The following ELAC2 variants were observed in gnomAD, a reference collection of about 807,000 sequenced individuals.
ELAC2 encodes zinc phosphodiesterase ELAC protein 2.
A neutral mutation model predicts 105.2 loss-of-function variants in ELAC2; 92 were observed. The observed-to-expected ratio is 0.87, with a 90% CI of 0.74 to 1.04. ELAC2 has a LOEUF of 1.04. Ranked by LOEUF, ELAC2 falls within the 50% of genes least tolerant of loss-of-function variation. The pLI is 0.00. For missense variants in ELAC2, 1,099 were observed against 1,071.7 expected (o/e 1.03, Z -0.36); for synonymous variants, 468 against 409.1 (o/e 1.14, Z -1.74).
intron 16 of ELAC2, among the ~76,000 whole-genome samples, chr17:12,997,650 T>G (rs2040545536): frequency 6.6e-6 from 1 of 152,190 alleles, no homozygotes; most frequent in African/African-American, 2.4e-5. Context: ...GATTGTATAT[T>G]TCTGATGTCA....
chr17:13,005,729 A>AATC lies in ELAC2; in HGVS notation c.870+21_870+23dup, dbSNP rs3217019. ...TTTCAGACCCTACCTGTAACTGCTG[A>AATC]ATCAAGAAAACCAGGCATCTCACCT... is the stretch of plus-strand genomic sequence containing the variant. On this transcript the variant is annotated intron_variant, in intron 10 of 23. Transcript: ENST00000338034. The AATC allele has an allele frequency of 0.29, 460,051 of 1,612,626 alleles. 68,292 individuals carry two copies. The highest frequency in any genetic ancestry group is 0.33 in the Middle Eastern group (1,970 of 5,976).
chr17:13,007,686 T>G (rs1012153211), intron 8 of ELAC2, among the ~76,000 whole-genome samples: 6 of 152,122 alleles, frequency 3.9e-5, no homozygotes, highest in African/African-American at 1.4e-4. Flanking sequence ...AAGACCAGCC[T>G]GGCCAACATG....
Position 12,993,891 on chromosome 17 carries a change from C to G in ELAC2, c.2109-60G>C, listed in dbSNP as rs1021085525. ...CTCAACTGCAAGACTGCAAAGCAGACAGTGGCACAGACCCTGGCCATCAAC... is the reference window on the plus strand; with the variant it reads ...CTCAACTGCAAGACTGCAAAGCAGAGAGTGGCACAGACCCTGGCCATCAAC... On this transcript the variant is annotated intron_variant, in intron 22 of 23. Transcript: ENST00000338034. 17 of 1,611,656 alleles carry G rather than the reference C, an allele frequency of 1.1e-5. No individual in the cohort carries two copies. The Admixed American group carries it at 2.8e-4, about 27-fold the overall frequency.
rs1567741050 is a variant in ELAC2, at chr17:12,994,462, C to A, written c.2071G>T (p.Asp691Tyr). 1 of 1,614,228 alleles carries A rather than the reference C, an allele frequency of 6.2e-7. No homozygotes were observed. Among genetic ancestry groups the A allele is most frequent in the Admixed American group, 1.7e-5 (1 of 60,034 alleles). The part of the protein sequence containing the change: ...TLLIHEATLE[D>Y]GLEEEAVEKT... Reference sequence around the variant, plus strand: ...TCCACTGCTTCCTCTTCCAAACCATCTTCCAGGGTGGCTTCATGTATCAGG... The same window carrying A: ...TCCACTGCTTCCTCTTCCAAACCATATTCCAGGGTGGCTTCATGTATCAGG... The change falls in exon 22 of 24, where the codon GAT (aspartate) becomes TAT (tyrosine). Residue 691 changes from aspartate (D) to tyrosine (Y), a missense_variant. By Grantham distance (160) the Asp-to-Tyr change is radical. Transcript: ENST00000338034.
intron 8 of ELAC2, 105 bp from the exon 9 acceptor site, chr17:13,006,084 A>C: frequency 1.6e-6 from 2 of 1,249,376 alleles, no homozygotes; most frequent in Non-Finnish European, 2.3e-6. Flanking sequence ...AAAAATAATA[A>C]TGTTGGCCAG....
At chr17:13,014,564 T>C in intron 4 of ELAC2, 68 bp from the exon 5 acceptor site, 1 of 1,159,262 alleles carries the variant, frequency 8.6e-7, no homozygotes. Context: ...TATTCAAGTA[T>C]TTAAAAGGTT....
At position 12,994,859 on chromosome 17, in the gene ELAC2, C is replaced by T. The variant is rs1224771729; in HGVS notation, c.1934G>A (p.Cys645Tyr). 6.2e-7 allele frequency: 1 copy of T among 1,613,980 alleles called. No homozygotes were observed. The highest frequency in any genetic ancestry group is 8.5e-7 in the Non-Finnish European group (1 of 1,180,044). Residue 645 changes from cysteine (C) to tyrosine (Y), a missense_variant, in exon 21 of 24, where the codon TGC becomes TAC. Cys to Tyr is a radical substitution (Grantham distance 194). Transcript: ENST00000338034. ...CAGCGCACAGCCAAACGCATGCTTGCAGTGCCGCACCAGACAGGTCTGAAA... is the reference window on the plus strand; with the variant it reads ...CAGCGCACAGCCAAACGCATGCTTGTAGTGCCGCACCAGACAGGTCTGAAA... ...EEFQTCLVRH[C>Y]KHAFGCALVH...
At chr17:12,995,299 C>T (rs988968897) in intron 19 of ELAC2, among the ~76,000 whole-genome samples, 1 of 152,192 alleles carries the variant, frequency 6.6e-6, no homozygotes, top group Non-Finnish European at 1.5e-5. Context: ...GCACGGGCCA[C>T]GGATGGCTCC....
chr17:13,011,463 G>C (rs2041405956), intron 7 of ELAC2, among the ~76,000 whole-genome samples, 200 bp downstream of exon 7: 1 of 152,126 alleles, frequency 6.6e-6, no homozygotes. Context: ...CTGTGGACTG[G>C]TCATTATTAA....
intron 14 of ELAC2, chr17:13,000,550 C>T (rs568570524): frequency 4.3e-6 from 2 of 460,142 alleles, no homozygotes; most frequent in South Asian, 2.0e-5. Context: ...TGGTGCAGTA[C>T]CCCTGACCTC....
rs755064409 is a variant in ELAC2 at position 12,998,525 on chromosome 17, G to A, written c.1424-17C>T. On this transcript the variant is annotated splice_polypyrimidine_tract_variant and intron_variant, in intron 15 of 23. Transcript: ENST00000338034. ...TTCTTTTCTCTGTGAAAAAATCCATGTGAAACAATCCATTCCTTTGGGTCA... is the reference window on the plus strand; with the variant it reads ...TTCTTTTCTCTGTGAAAAAATCCATATGAAACAATCCATTCCTTTGGGTCA... 123 of 1,608,276 alleles carry A rather than the reference G, an allele frequency of 7.6e-5. No homozygotes were observed. Among genetic ancestry groups the A allele is most frequent in the Non-Finnish European group, 1.0e-4 (117 of 1,174,786 alleles).
chr17:13,011,387 G>A (rs1160846489), intron 7 of ELAC2, among the ~76,000 whole-genome samples: 1 of 152,142 alleles, frequency 6.6e-6, no homozygotes, highest in Non-Finnish European at 1.5e-5. Context: ...CCGTTTGTCA[G>A]GCCCTGTTCT....
chr17:13,005,997 T>C lies in ELAC2; in HGVS notation c.739-18A>G, dbSNP rs376224310. 92 of 1,613,196 alleles carry C rather than the reference T, an allele frequency of 5.7e-5. No individual in the cohort carries two copies. The highest frequency in any genetic ancestry group is 4.8e-4 in the African/African-American group (36 of 75,008). On this transcript the variant is annotated intron_variant, in intron 8 of 23. Transcript: ENST00000338034. ...AAGTGAAGCTGCAACAAAGAGAACA[T>C]AGATGTGATCTTAGGGGCTAATGAA...
At chr17:13,016,596 G>C (rs1045082897) in intron 3 of ELAC2, among the ~76,000 whole-genome samples, 1 of 151,888 alleles carries the variant, frequency 6.6e-6, no homozygotes, top group African/African-American at 2.4e-5. Context: ...GGGCAACATA[G>C]CAAAACCCCG....
At position 12,991,615 on chromosome 17, in the gene ELAC2, C is replaced by T. The variant is rs749486830; in HGVS notation, c.*1203G>A. The T allele has an allele frequency of 3.3e-5, 6 of 183,628 alleles. No individual in the cohort carries two copies. The highest frequency in any genetic ancestry group is 4.7e-5 in the African/African-American group (2 of 42,454). 11.4% of individuals were successfully genotyped at this position (183,628 alleles called of 1,614,324 possible). A position where few individuals can be genotyped will look rare whatever the true frequency, so the allele number is the denominator to read the frequency against. Reference sequence around the variant, plus strand: ...ATGTACAAATCGTTGTCAAAAGTAACGTTATTAAAATAGATTTATTATCCC... The same window carrying T: ...ATGTACAAATCGTTGTCAAAAGTAATGTTATTAAAATAGATTTATTATCCC... On this transcript the variant is annotated 3_prime_UTR_variant, in exon 24 of 24. Transcript: ENST00000338034.
At chr17:12,995,881 C>T in intron 18 of ELAC2, 59 bp downstream of exon 18, 2 of 1,584,472 alleles carry the variant, frequency 1.3e-6, no homozygotes, top group Non-Finnish European at 1.7e-6. Context: ...TGCCAAGAGG[C>T]ATGGCGGATG....
At chr17:13,009,207 T>A (rs889135951) in intron 8 of ELAC2, among the ~76,000 whole-genome samples, 4 of 152,180 alleles carry the variant, frequency 2.6e-5, no homozygotes, top group Non-Finnish European at 4.4e-5. Flanking sequence ...TCGATAGAAA[T>A]GATACTGGCA....
chr17:13,013,401 A>C (rs1423552680), intron 5 of ELAC2, 126 bp from the exon 6 acceptor site: 1 of 1,016,778 alleles, frequency 9.8e-7, no homozygotes, highest in African/African-American at 1.6e-5. Context: ...CTGACACGAA[A>C]ACCAGACTTT....
chr17:12,996,466 GAA>G (rs2040472680), intron 17 of ELAC2, 79 bp downstream of exon 17: 1 of 1,603,942 alleles, frequency 6.2e-7, no homozygotes, highest in Non-Finnish European at 8.5e-7. Context: ...GGAAGCGGAG[GAA>G]AAGACGCAGC....
Sources: allele counts gnomAD v4.1 joint callset (sites outside exome capture counted in the v4.1 genomes callset), GRCh38; gene constraint gnomAD v4.1.1; transcripts MANE v1.5; gene names NCBI Gene and HGNC (gene_info 2026-07-23, HGNC 2026-07-21).